Variants in L3MBTL3 observed in about 807,000 individuals in gnomAD.
L3MBTL3 encodes the protein lethal(3)malignant brain tumor-like protein 3.
A neutral mutation model predicts 102.3 loss-of-function variants in L3MBTL3; 27 were observed. That is an observed-to-expected ratio of 0.26 (90% CI 0.19 to 0.36). The LOEUF (loss-of-function observed/expected upper bound fraction) is 0.36. Among genes scored for constraint, L3MBTL3 ranks in the 10% least tolerant of loss-of-function variants. The pLI is 1.00. For synonymous variants in L3MBTL3, 340 were observed against 320.9 expected (o/e 1.06, Z -0.64); for missense variants, 798 against 955.3 (o/e 0.84, Z 2.17).
chr6:130,092,790 G>A lies in L3MBTL3; in HGVS notation c.1564G>A (p.Ala522Thr). The A allele has an allele frequency of 6.2e-7, 1 of 1,613,326 alleles. No individual in the cohort carries two copies. Among genetic ancestry groups the A allele is most frequent in the Non-Finnish European group, 8.5e-7 (1 of 1,179,432 alleles). ...WNNCYDYWIDADSPDIHPVGW... is the reference protein window; with the variant it reads ...WNNCYDYWIDTDSPDIHPVGW... Reference sequence around the variant, plus strand: ...CAATTGCTATGATTACTGGATAGATGCAGATTCTCCTGATATTCACCCTGT... The same window carrying A: ...CAATTGCTATGATTACTGGATAGATACAGATTCTCCTGATATTCACCCTGT... The change falls in exon 17 of 23, where the codon GCA becomes ACA. Residue 522 changes from alanine to threonine, a missense_variant. Ala to Thr is a moderately conservative substitution (Grantham distance 58). Around this residue, in one of 4 missense-constraint regions of L3MBTL3, gnomAD observed 306 missense variants for 314.4 expected, o/e 0.97. Coordinates refer to ENST00000361794, the MANE Select transcript of L3MBTL3 (RefSeq NM_032438.4).
In L3MBTL3 at chr6:130,052,969, G is replaced by A. The variant is rs981866211; in HGVS notation, c.560G>A (p.Gly187Glu). The stretch of plus-strand genomic sequence containing the variant: ...CTGAAAGCTGACACCAAGGAGGATG[G>A]AGAAGAGAGAGATGATGAAATGGTG... Reference protein sequence around the residue: ...LSLKADTKEDGEERDDEMENK... With the variant: ...LSLKADTKEDEEERDDEMENK... Residue 187 changes from glycine (G) to glutamate (E), a missense_variant, in exon 7 of 23, where the codon GGA (glycine) becomes GAA (glutamate). This residue lies in a region of L3MBTL3 where 434 missense variants were observed against 506.6 expected (regional missense o/e 0.86). Coordinates refer to ENST00000361794, the MANE Select transcript of L3MBTL3 (RefSeq NM_032438.4). 4 of 1,613,374 alleles carry A rather than the reference G, an allele frequency of 2.5e-6. No individual in the cohort carries two copies. The highest frequency in any genetic ancestry group is 1.6e-4 in the Middle Eastern group (1 of 6,082).
At chr6:130,022,115 A>C (rs1251670265) in intron 1 of L3MBTL3, 112 bp from the exon 2 acceptor site, 2 of 152,238 alleles carry the variant, frequency 1.3e-5, no homozygotes, top group African/African-American at 4.8e-5. Context: ...GTGTAAAATT[A>C]TGCCTAAGTG....
rs969289896 is a variant in L3MBTL3, at chr6:130,097,039, G to A, written c.1736+2672G>A. On this transcript the variant is annotated intron_variant, in intron 18 of 22. Transcript: ENST00000361794. ...GGATGCAATTCACAGAACTCCTGGAGGTCCCAGTTTCTGCCCAAGTGCTAA... is the reference window on the plus strand; with the variant it reads ...GGATGCAATTCACAGAACTCCTGGAAGTCCCAGTTTCTGCCCAAGTGCTAA... 2.6e-5 allele frequency among the ~76,000 whole-genome samples: 4 copies of A among 152,172 alleles called. No homozygotes were observed. In the East Asian group the frequency reaches 5.8e-4, roughly 22 times the overall value.
At chr6:130,059,613 G>T (rs1781760446) in intron 9 of L3MBTL3, among the ~76,000 whole-genome samples, 1 of 152,116 alleles carries the variant, frequency 6.6e-6, no homozygotes, top group Admixed American at 6.5e-5. Context: ...AGAATTTTTT[G>T]ATTGATTTTA....
At chr6:130,119,343 T>C (rs1462831350) in intron 19 of L3MBTL3, among the ~76,000 whole-genome samples, 1 of 152,204 alleles carries the variant, frequency 6.6e-6, no homozygotes, top group Non-Finnish European at 1.5e-5. Flanking sequence ...GGATAGAATT[T>C]GTGCACTCAA....
chr6:130,056,484 G>T (rs1781519211), intron 8 of L3MBTL3, among the ~76,000 whole-genome samples: 1 of 152,170 alleles, frequency 6.6e-6, no homozygotes, highest in African/African-American at 2.4e-5. Flanking sequence ...CTTCTCCTCA[G>T]TGCCGGGGTG....
intron 20 of L3MBTL3, among the ~76,000 whole-genome samples, chr6:130,124,649 G>A (rs1304995750): frequency 6.6e-6 from 1 of 152,006 alleles, no homozygotes; most frequent in African/African-American, 2.4e-5. Flanking sequence ...TATTCTTCTT[G>A]GGCTAGACCC....
At chr6:130,119,165 A>T (rs944134253) in intron 19 of L3MBTL3, among the ~76,000 whole-genome samples, 9 of 149,940 alleles carry the variant, frequency 6.0e-5, no homozygotes, top group African/African-American at 1.7e-4. Context: ...CTCTCTATTT[A>T]AAAAAAAAAT....
chr6:130,050,460 C>T (rs1395018958), intron 5 of L3MBTL3, among the ~76,000 whole-genome samples: 2 of 152,184 alleles, frequency 1.3e-5, no homozygotes, highest in African/African-American at 4.8e-5. Context: ...TGGTAAATTC[C>T]TCTTTGGCCT....
Position 130,022,209 on chromosome 6 carries a change from T to A in L3MBTL3, c.-94-18T>A, listed in dbSNP as rs1378063866. On this transcript the variant is annotated intron_variant, in intron 1 of 22. Transcript: ENST00000361794. ...CAGTGTTTTGATTTTACCTTCCCTC[T>A]CTTTAAACCAATGCTAGAACCCTTA... The A allele has an allele frequency of 1.3e-5, 2 of 152,214 alleles. No individual in the cohort carries two copies. Among genetic ancestry groups the A allele is most frequent in the African/African-American group, 4.8e-5 (2 of 41,458 alleles). The allele number at this position is 152,214 out of a possible 1,614,324, so 9.4% of individuals were successfully genotyped here.
intron 2 of L3MBTL3, among the ~76,000 whole-genome samples, chr6:130,038,317 A>G (rs775425588): frequency 1.1e-4 from 17 of 151,598 alleles, no homozygotes; most frequent in Non-Finnish European, 2.4e-4. Context: ...TGGTATTTCT[A>G]TCTTTAATTT....
intron 16 of L3MBTL3, among the ~76,000 whole-genome samples, chr6:130,086,902 T>C (rs1362317854): frequency 1.3e-5 from 2 of 152,186 alleles, no homozygotes; most frequent in Admixed American, 6.5e-5. Context: ...GGAATTTCTA[T>C]TAGGAATAAG....
At chr6:130,055,824 TGA>T (rs1781467844) in intron 8 of L3MBTL3, among the ~76,000 whole-genome samples, 1 of 151,564 alleles carries the variant, frequency 6.6e-6, no homozygotes, top group Non-Finnish European at 1.5e-5. Context: ...TCTCAAAACA[TGA>T]GCTCCTGGCG....
In L3MBTL3 at chr6:130,133,870, G is replaced by C. The variant is rs1339564881; in HGVS notation, c.2164G>C (p.Gly722Arg). The change falls in exon 22 of 23, where the codon GGG (glycine) becomes CGG (arginine). Residue 722 changes from glycine (G) to arginine (R), a missense_variant. Gly to Arg is a moderately radical substitution (Grantham distance 125). This residue lies in a region of L3MBTL3 where 48 missense variants were observed against 107.0 expected (regional missense o/e 0.45). Transcript: ENST00000361794. This position sits in a 1 kb window ranked among gnomAD's most constrained non-coding sequence, Gnocchi z 4.9. Reference protein sequence around the residue: ...EVSEFIQSLPGCEEHGKVFKD... With the variant: ...EVSEFIQSLPRCEEHGKVFKD... ...GTCAGAATTTATACAGAGCTTACCT[G>C]GGTGTGAAGAACATGGAAAGGTATT... 6.2e-7 allele frequency: 1 copy of C among 1,613,304 alleles called. No homozygotes were observed. The highest frequency in any genetic ancestry group is 8.5e-7 in the Non-Finnish European group (1 of 1,179,358).
chr6:130,049,195 T>C (rs1780924830), intron 3 of L3MBTL3, 87 bp from the exon 4 acceptor site: 1 of 740,288 alleles, frequency 1.4e-6, no homozygotes, highest in Admixed American at 2.4e-5. Context: ...ATTAATTTGC[T>C]TGAAGACTAT....
At chr6:130,040,611 T>C (rs1421588615) in intron 2 of L3MBTL3, among the ~76,000 whole-genome samples, 4 of 152,214 alleles carry the variant, frequency 2.6e-5, no homozygotes, top group African/African-American at 7.2e-5. Context: ...GATTTTTCTC[T>C]TGAAGGTTCA....
chr6:130,028,959 C>T (rs1779532163), intron 2 of L3MBTL3, among the ~76,000 whole-genome samples: 1 of 152,094 alleles, frequency 6.6e-6, no homozygotes, highest in African/African-American at 2.4e-5. Context: ...AAGGTCTTTC[C>T]CTGATTTTTC....
At chr6:130,055,145 G>T (rs763598803) in intron 7 of L3MBTL3, 26 bp from the exon 8 acceptor site, 3 of 1,586,566 alleles carry the variant, frequency 1.9e-6, no homozygotes, top group Non-Finnish European at 2.6e-6. Context: ...GAACTTTAAA[G>T]TCATAATTTT....
intron 9 of L3MBTL3, among the ~76,000 whole-genome samples, chr6:130,057,870 G>A (rs76393035): frequency 0.058 from 8,789 of 152,220 alleles, 454 homozygotes; most frequent in African/African-American, 0.14. Context: ...CTGGCCGGGC[G>A]CGGTGGCTCA....
Sources: allele counts gnomAD v4.1 joint callset (sites outside exome capture counted in the v4.1 genomes callset), GRCh38; gene constraint gnomAD v4.1.1; regional missense constraint gnomAD v4.1.1; non-coding constraint Gnocchi (gnomAD v3.1); transcripts MANE v1.5; gene names NCBI Gene and HGNC (gene_info 2026-07-23, HGNC 2026-07-21).